Variants in RGS6 observed in about 807,000 individuals in gnomAD.
The protein encoded by RGS6 is regulator of G protein signaling 6, also known as regulator of G-protein signaling 6.
RGS6 carries 30 observed loss-of-function variants against 78.5 expected under a neutral mutation model. That is an observed-to-expected ratio of 0.38 (90% CI 0.29 to 0.52). The LOEUF is 0.52. RGS6 is among the 20% of genes least tolerant of loss of function. The pLI is 0.85. For missense variants in RGS6, 495 were observed against 609.7 expected (o/e 0.81, Z 1.98); for synonymous variants, 206 against 206.0 (o/e 1.00, Z 0.00).
chr14:71,926,585 G>GAAAAAAAAAAAAAAA, the RGS6 span, among the ~76,000 whole-genome samples: 12 of 51,252 alleles, frequency 2.3e-4, no homozygotes, highest in Admixed American at 6.4e-4. Flanking sequence ...CTCTGTCTCA[G>GAAAAAAAAAAAAAAA]AAAAAAAAAA....
At chr14:72,504,921 A>AT (rs34953560) in intron 13 of RGS6, among the ~76,000 whole-genome samples, 16,705 of 75,888 alleles carry the variant, frequency 0.22, 3,197 homozygotes, top group East Asian at 0.46. Flanking sequence ...CGCCCAGCTA[A>AT]TTTTTTTTTT....
intron 2 of RGS6, among the ~76,000 whole-genome samples, chr14:72,132,837 T>G (rs1044459815): frequency 7.4e-5 from 11 of 148,214 alleles, no homozygotes; most frequent in Non-Finnish European, 1.5e-4. Context: ...TCTGAAAAAC[T>G]CTTTGAGGCC....
intron 2 of RGS6, among the ~76,000 whole-genome samples, chr14:72,099,804 T>A (rs1035907968): frequency 3.9e-5 from 6 of 152,216 alleles, no homozygotes; most frequent in Admixed American, 2.0e-4. Flanking sequence ...TAGTCATTAG[T>A]AGTTAGTAGT....
the RGS6 span, among the ~76,000 whole-genome samples, chr14:71,876,577 A>G: frequency 3.6e-5 from 5 of 139,642 alleles, no homozygotes; most frequent in Non-Finnish European, 6.0e-5. Flanking sequence ...GTCTCTGCAC[A>G]TGAGATGTGT....
At chr14:72,539,201 C>T (rs967562160) in intron 16 of RGS6, among the ~76,000 whole-genome samples, 7 of 152,192 alleles carry the variant, frequency 4.6e-5, no homozygotes, top group Middle Eastern at 3.2e-3. Flanking sequence ...CCTGGAAAGA[C>T]ATTCAAGGGC....
intron 2 of RGS6, among the ~76,000 whole-genome samples, chr14:71,972,784 T>A (rs1392584104): frequency 1.3e-5 from 2 of 152,090 alleles, no homozygotes; most frequent in African/African-American, 2.4e-5. Flanking sequence ...GGAGGATGTG[T>A]TTGAGAGATG....
intron 2 of RGS6, among the ~76,000 whole-genome samples, chr14:72,035,254 C>T (rs2091515165): frequency 6.6e-6 from 1 of 151,996 alleles, no homozygotes; most frequent in South Asian, 2.1e-4. Flanking sequence ...GGAATTTATT[C>T]CTTTTAGATT....
rs201093075 is a variant in RGS6 at position 72,495,231 on chromosome 14, G to A, written c.934G>A (p.Asp312Asn). 7.4e-6 allele frequency: 12 copies of A among 1,613,344 alleles called. No homozygotes were observed. The East Asian group carries it at 8.9e-5, about 12-fold the overall frequency. ...TGAGCCATCCAACCCTTGGATCAGC[G>A]ATGACGTTGCTTTGTGGGACATAGA... Reference protein sequence around the residue: ...PAEPSNPWISDDVALWDIEMS... With the variant: ...PAEPSNPWISNDVALWDIEMS... The change falls in exon 13 of 18, where the codon GAT becomes AAT. Residue 312 changes from aspartate (D) to asparagine (N), a missense_variant. Coordinates refer to ENST00000553525, the MANE Select transcript of RGS6 (RefSeq NM_001204424.2).
chr14:72,455,073 G>C (rs1239106624), intron 4 of RGS6, among the ~76,000 whole-genome samples: 1 of 151,980 alleles, frequency 6.6e-6, no homozygotes, highest in Non-Finnish European at 1.5e-5. Flanking sequence ...CAGAACCCTG[G>C]CCAATAAAAC....
intron 1 of RGS6, among the ~76,000 whole-genome samples, chr14:71,950,909 A>G (rs1261080961): frequency 6.6e-6 from 1 of 152,126 alleles, no homozygotes; most frequent in Non-Finnish European, 1.5e-5. Flanking sequence ...TCAAGAAACA[A>G]CATGCTGGCG....
chr14:72,231,169 AAGTT>A (rs2049472325), intron 2 of RGS6, among the ~76,000 whole-genome samples: 1 of 152,186 alleles, frequency 6.6e-6, no homozygotes, highest in Non-Finnish European at 1.5e-5. Context: ...CTGGACTGAG[AAGTT>A]AGTTCCCCAA....
chr14:72,425,823 G>T (rs945365064), intron 3 of RGS6, among the ~76,000 whole-genome samples: 20 of 152,088 alleles, frequency 1.3e-4, no homozygotes, highest in Admixed American at 3.3e-4. Context: ...GGCATAAAAA[G>T]TTTCACCTGC....
the RGS6 span, among the ~76,000 whole-genome samples, chr14:72,592,330 A>G: frequency 8.5e-5 from 13 of 152,230 alleles, no homozygotes; most frequent in African/African-American, 3.1e-4. Flanking sequence ...AACAAGAAAT[A>G]CATGGCATGC....
intron 10 of RGS6, among the ~76,000 whole-genome samples, chr14:72,475,872 A>G (rs1226304993): frequency 6.6e-6 from 1 of 151,478 alleles, no homozygotes; most frequent in Non-Finnish European, 1.5e-5. Context: ...GCGTATGTAT[A>G]TAAACTTCTT....
At chr14:72,384,571 A>G (rs1427904131) in intron 3 of RGS6, among the ~76,000 whole-genome samples, 1 of 152,090 alleles carries the variant, frequency 6.6e-6, no homozygotes, top group Non-Finnish European at 1.5e-5. Context: ...GTCAGTAAAG[A>G]GAGGATGTTA....
At chr14:72,449,951 G>A (rs1396400428) in intron 3 of RGS6, among the ~76,000 whole-genome samples, 1 of 152,184 alleles carries the variant, frequency 6.6e-6, no homozygotes, top group Non-Finnish European at 1.5e-5. Context: ...CTCCACTTTG[G>A]CCTCAGAGGC....
intron 2 of RGS6, among the ~76,000 whole-genome samples, chr14:72,227,641 G>A (rs1373838610): frequency 1.3e-5 from 2 of 152,108 alleles, no homozygotes; most frequent in South Asian, 2.1e-4. Context: ...AAAGAAGGGA[G>A]CATTTTAGTT....
chr14:72,057,236 C>T, intron 2 of RGS6, among the ~76,000 whole-genome samples: 1 of 144,988 alleles, frequency 6.9e-6, no homozygotes, highest in East Asian at 2.0e-4. Context: ...ATTGCTTGAA[C>T]CTGGGAGGCA....
chr14:72,236,701 AC>A (rs1332018432), intron 2 of RGS6, among the ~76,000 whole-genome samples: 3 of 151,494 alleles, frequency 2.0e-5, no homozygotes, highest in African/African-American at 7.3e-5. Flanking sequence ...GGCCCTCATC[AC>A]TTCCCACACG....
Sources: gnomAD v4.1 joint callset for allele counts (sites outside exome capture counted in the v4.1 genomes callset) on GRCh38, gnomAD v4.1.1 for gene constraint, MANE v1.5 for transcripts, NCBI Gene and HGNC (gene_info 2026-07-23, HGNC 2026-07-21) for gene names.